Variants in CALD1 observed in about 807,000 individuals in gnomAD.
CALD1 encodes the protein caldesmon 1.
In CALD1, 33 loss-of-function variants were observed where a neutral mutation model predicts 99.9. The ratio of observed to expected loss-of-function variants is 0.33; its 90% confidence interval spans 0.25 to 0.44. The LOEUF (loss-of-function observed/expected upper bound fraction) is 0.44. CALD1 is among the 20% of genes least tolerant of loss of function. The pLI, the probability that CALD1 is intolerant of heterozygous loss-of-function variation, is 1.00. For missense variants in CALD1, 861 were observed against 962.1 expected (o/e 0.89, Z 1.39); for synonymous variants, 310 against 325.0 (o/e 0.95, Z 0.50).
intron 2 of CALD1, among the ~76,000 whole-genome samples, chr7:134,862,610 G>C (rs1800610912): frequency 6.6e-6 from 1 of 152,136 alleles, no homozygotes; most frequent in African/African-American, 2.4e-5. Context: ...GGGGTTTTTA[G>C]GGCAGTGAAG....
chr7:134,818,348 T>A lies in CALD1; in HGVS notation c.-129-25536T>A, dbSNP rs1357843307. 2.0e-5 allele frequency among the ~76,000 whole-genome samples: 3 copies of A among 152,228 alleles called. 1 individual carries two copies. Among genetic ancestry groups the A allele is most frequent in the Admixed American group, 2.0e-4 (3 of 15,280 alleles). On this transcript the variant is annotated intron_variant, in intron 1 of 14. Transcript: ENST00000361675. ...TCAACTAGAGTTTCACCCAGTGTGC[T>A]TTCTTCTTAGGTTTTAATGCTGGTT... is the stretch of plus-strand genomic sequence containing the variant.
intron 3 of CALD1, among the ~76,000 whole-genome samples, chr7:134,908,607 C>T (rs988892614): frequency 2.0e-5 from 3 of 152,136 alleles, no homozygotes; most frequent in Admixed American, 6.5e-5. Context: ...GATCAGACCT[C>T]GAGCAGGATT....
At chr7:134,839,675 C>T (rs1799576532) in intron 1 of CALD1, among the ~76,000 whole-genome samples, 1 of 151,972 alleles carries the variant, frequency 6.6e-6, no homozygotes, top group South Asian at 2.1e-4. Flanking sequence ...TTTTCATACA[C>T]TTGTTGATCT....
intron 2 of CALD1, among the ~76,000 whole-genome samples, chr7:134,849,731 T>C (rs1799999983): frequency 6.6e-6 from 1 of 152,232 alleles, no homozygotes; most frequent in Admixed American, 6.5e-5. Flanking sequence ...GATATTTTTA[T>C]GAAATGCTCA....
chr7:134,740,024 A>G (rs1255613545), upstream of CALD1, among the ~76,000 whole-genome samples: 1 of 152,162 alleles, frequency 6.6e-6, no homozygotes, highest in Non-Finnish European at 1.5e-5. Context: ...AGATAAAATA[A>G]TCTTCAAGAA....
intron 9 of CALD1, among the ~76,000 whole-genome samples, chr7:134,950,888 G>A (rs962701520): frequency 6.6e-6 from 1 of 152,186 alleles, no homozygotes; most frequent in African/African-American, 2.4e-5. Context: ...GAACCCAGGA[G>A]GCAGAGGTTG....
intron 1 of CALD1, among the ~76,000 whole-genome samples, chr7:134,828,969 T>G (rs1799114465): frequency 6.6e-6 from 1 of 152,050 alleles, no homozygotes. Context: ...TGCAAATAGA[T>G]GATAAATCTA....
intron 1 of CALD1, among the ~76,000 whole-genome samples, chr7:134,794,295 G>C (rs2131794238): frequency 6.6e-6 from 1 of 152,278 alleles, no homozygotes; most frequent in East Asian, 1.9e-4. Flanking sequence ...GCTCGCACGG[G>C]ATGCATTTCC....
rs1203409695 is a variant in CALD1 at position 134,970,356 on chromosome 7, A to ATCAC, written c.*2013_*2016dup. The ATCAC allele has an allele frequency of 2.1e-4, 32 of 152,402 alleles. No individual in the cohort carries two copies. Among genetic ancestry groups the ATCAC allele is most frequent in the Non-Finnish European group, 1.5e-4 (10 of 68,054 alleles). 9.4% of individuals were successfully genotyped at this position (152,402 alleles called of 1,614,324 possible). A position where few individuals can be genotyped will look rare whatever the true frequency, so the allele number is the denominator to read the frequency against. On this transcript the variant is annotated 3_prime_UTR_variant, in exon 15 of 15. Coordinates refer to ENST00000361675, the MANE Select transcript of CALD1 (RefSeq NM_033138.4). Reference sequence around the variant, plus strand: ...AAATCTAAAGTTCAGAAGAGAATGTATCACTGCTGACTTTTATTCCAATAT... The same window carrying ATCAC: ...AAATCTAAAGTTCAGAAGAGAATGTATCACTCACTGCTGACTTTTATTCCAATAT...
At chr7:134,777,612 G>A (rs576412466), upstream of CALD1, among the ~76,000 whole-genome samples, 3 of 152,292 alleles carry the variant, frequency 2.0e-5, no homozygotes, top group East Asian at 5.8e-4. Context: ...CAGGGAGAGT[G>A]TGGTTTAGGA....
intron 3 of CALD1, among the ~76,000 whole-genome samples, chr7:134,913,502 TACAA>T (rs1183345537): frequency 1.3e-5 from 2 of 152,246 alleles, no homozygotes; most frequent in African/African-American, 4.8e-5. Flanking sequence ...TTGTAATGTC[TACAA>T]ACATTTAAAT....
chr7:134,960,481 C>A, intron 12 of CALD1, 52 bp from the exon 13 acceptor site: 1 of 1,058,840 alleles, frequency 9.4e-7, no homozygotes, highest in Non-Finnish European at 1.5e-6. Context: ...AATTCCTTCC[C>A]AGGTAAAGTT....
intron 2 of CALD1, among the ~76,000 whole-genome samples, chr7:134,851,055 T>A (rs771746253): frequency 3.3e-5 from 5 of 152,236 alleles, no homozygotes; most frequent in Admixed American, 6.5e-5. Context: ...CTTTCCTTTA[T>A]AAATTACCCA....
intron 3 of CALD1, among the ~76,000 whole-genome samples, chr7:134,914,665 C>T (rs1162269970): frequency 6.6e-6 from 1 of 152,144 alleles, no homozygotes; most frequent in Non-Finnish European, 1.5e-5. Context: ...TGTGCTTTTC[C>T]ATAACCATAT....
At chr7:134,904,593 G>T (rs2132637885) in intron 3 of CALD1, among the ~76,000 whole-genome samples, 1 of 151,640 alleles carries the variant, frequency 6.6e-6, no homozygotes, top group Non-Finnish European at 1.5e-5. Context: ...ATCAATAAAT[G>T]AAATGCCAGC....
chr7:134,778,827 T>G (rs1263586384), upstream of CALD1, among the ~76,000 whole-genome samples: 1 of 152,062 alleles, frequency 6.6e-6, no homozygotes, highest in East Asian at 1.9e-4. Context: ...TCTAGTACTA[T>G]CTCCACATCA....
At chr7:134,751,519 T>C (rs1319306195) in intron 1 of CALD1, among the ~76,000 whole-genome samples, 1 of 152,214 alleles carries the variant, frequency 6.6e-6, no homozygotes, top group Non-Finnish European at 1.5e-5. Flanking sequence ...TGGTCAAATA[T>C]CCTTCCCTCG....
chr7:134,787,553 T>C (rs191664906), intron 1 of CALD1, among the ~76,000 whole-genome samples: 4 of 152,308 alleles, frequency 2.6e-5, no homozygotes, highest in Admixed American at 2.0e-4. Context: ...ACATCTTCTC[T>C]AGGGCAGGAG....
At chr7:134,822,969 C>T (rs1333236154) in intron 1 of CALD1, among the ~76,000 whole-genome samples, 1 of 152,154 alleles carries the variant, frequency 6.6e-6, no homozygotes, top group Non-Finnish European at 1.5e-5. Flanking sequence ...CTCAAGTCAA[C>T]AATGTGGAAT....
Sources: gnomAD v4.1 joint callset for allele counts (sites outside exome capture counted in the v4.1 genomes callset) on GRCh38, gnomAD v4.1.1 for gene constraint, MANE v1.5 for transcripts, NCBI Gene and HGNC (gene_info 2026-07-23, HGNC 2026-07-21) for gene names.